CPEB2: variants seen among roughly 807,000 people sequenced by gnomAD.
The protein encoded by CPEB2 is cytoplasmic polyadenylation element binding protein 2.
Under a neutral mutation model 93.6 loss-of-function variants are expected in CPEB2, and 56 were observed. The observed-to-expected ratio is 0.60, with a 90% confidence interval of 0.48 to 0.75. The LOEUF (loss-of-function observed/expected upper bound fraction) is 0.75, where lower values mean the gene tolerates loss of function less well. Ranked by LOEUF, CPEB2 falls within the 30% of genes least tolerant of loss-of-function variation. CPEB2 has a pLI of 0.00. For missense variants in CPEB2, 1,579 were observed against 1,395.1 expected (o/e 1.13, Z -2.10); for synonymous variants, 764 against 586.3 (o/e 1.30, Z -4.38).
chr4:15,031,555 A>G (rs1376311938), intron 4 of CPEB2, among the ~76,000 whole-genome samples: 3 of 152,178 alleles, frequency 2.0e-5, no homozygotes, highest in African/African-American at 7.2e-5. Flanking sequence ...GAGTATGACA[A>G]CTTTATTTAA....
chr4:15,039,473 T>TA (rs1481988278), intron 5 of CPEB2, among the ~76,000 whole-genome samples: 4 of 152,086 alleles, frequency 2.6e-5, no homozygotes, highest in African/African-American at 9.7e-5. Flanking sequence ...TTTCCAGGCC[T>TA]AAAAAAATCT....
At chr4:15,009,017 A>C (rs946849734) in intron 3 of CPEB2, among the ~76,000 whole-genome samples, 1 of 152,208 alleles carries the variant, frequency 6.6e-6, no homozygotes, top group African/African-American at 2.4e-5. Context: ...GTTAGCCTTA[A>C]TCAAATTACA....
chr4:15,052,416 C>A lies in CPEB2; in HGVS notation c.2203C>A (p.Arg735Ser). ...NARSYGRRRG[R>S]SSLFPIDDGL... ...GTTGTATTTGTTCTTTATTCTAGGT[C>A]GTTCTTCCCTCTTTCCAATAGATGA... The change falls in exon 7 of 12, where the codon CGT becomes AGT. Residue 735 changes from arginine (R) to serine (S), a missense_variant and splice_region_variant. Transcript: ENST00000538197. 6.8e-7 allele frequency: 1 copy of A among 1,473,758 alleles called. No homozygotes were observed. The highest frequency in any genetic ancestry group is 1.4e-5 in the South Asian group (1 of 68,978). The allele number at this position is 1,473,758 out of a possible 1,614,324, so 91.3% of individuals were successfully genotyped here.
Position 15,062,202 on chromosome 4 carries a change from A to G in CPEB2, c.2819A>G (p.Tyr940Cys), listed in dbSNP as rs1729253187. The change falls in exon 11 of 12, where the codon TAT (tyrosine) becomes TGT (cysteine). Residue 940 changes from tyrosine (Y) to cysteine (C), a missense_variant. Physicochemically the swap from Tyr to Cys is radical, Grantham distance 194. Transcript: ENST00000538197. ...GTTGCTTTCTCCAATCAGCAGAGCTATATTGCTGCCATTAGTGCTCGGTTT... is the reference window on the plus strand; with the variant it reads ...GTTGCTTTCTCCAATCAGCAGAGCTGTATTGCTGCCATTAGTGCTCGGTTT... The part of the protein sequence containing the change: ...GRVAFSNQQS[Y>C]IAAISARFVQ... 6.2e-7 allele frequency: 1 copy of G among 1,612,972 alleles called. No individual in the cohort carries two copies. Among genetic ancestry groups the G allele is most frequent in the Non-Finnish European group, 8.5e-7 (1 of 1,179,252 alleles).
At position 15,003,967 on chromosome 4, in the gene CPEB2, G is replaced by A. The variant is rs747245126; in HGVS notation, c.1294G>A (p.Gly432Ser). 5.1e-6 allele frequency: 7 copies of A among 1,370,366 alleles called. No individual in the cohort carries two copies. Among genetic ancestry groups the A allele is most frequent in the East Asian group, 3.1e-5 (1 of 32,598 alleles). The allele number at this position is 1,370,366 out of a possible 1,614,324, so 84.9% of individuals were successfully genotyped here. Residue 432 changes from glycine to serine, a missense_variant, in exon 1 of 12, where the codon GGC (glycine) becomes AGC (serine). By Grantham distance (56) the Gly-to-Ser change is moderately conservative (BLOSUM62 0). Around this residue, in one of 2 missense-constraint regions of CPEB2, gnomAD observed 1,411 missense variants for 1,056.0 expected, o/e 1.34. Coordinates refer to ENST00000538197, the MANE Select transcript of CPEB2 (RefSeq NM_001177382.2). ...SSATTPGGGS[G>S]GSLSAMPPPS... ...TGCCACCACCCCGGGCGGCGGCAGC[G>A]GCGGCTCGCTCAGCGCCATGCCGCC...
chr4:15,002,708 C>T lies in CPEB2; in HGVS notation c.35C>T (p.Ala12Val), dbSNP rs746158029. The change falls in exon 1 of 12, where the codon GCC (alanine) becomes GTC (valine). Residue 12 changes from alanine (A) to valine (V), a missense_variant. Ala to Val is a moderately conservative substitution (Grantham distance 64, BLOSUM62 0). This residue lies in a region of CPEB2 where 1,411 missense variants were observed against 1,056.0 expected (regional missense o/e 1.34). Transcript: ENST00000538197. ...RDFGFGVLQT[A>V]PLRSSSPGPL... Reference sequence around the variant, plus strand: ...TTCGGGTTTGGGGTGCTGCAGACCGCCCCGCTCCGAAGTAGCAGTCCTGGG... The same window carrying T: ...TTCGGGTTTGGGGTGCTGCAGACCGTCCCGCTCCGAAGTAGCAGTCCTGGG... The T allele has an allele frequency of 3.9e-5, 59 of 1,525,228 alleles. No homozygotes were observed. The highest frequency in any genetic ancestry group is 4.8e-5 in the Non-Finnish European group (55 of 1,141,532). The allele number at this position is 1,525,228 out of a possible 1,614,324, so 94.5% of individuals were successfully genotyped here. A position where few individuals can be genotyped will look rare whatever the true frequency, so the allele number is the denominator to read the frequency against.
chr4:15,014,006 G>A (rs554672522), intron 3 of CPEB2, among the ~76,000 whole-genome samples: 100 of 151,964 alleles, frequency 6.6e-4, no homozygotes, highest in South Asian at 1.0e-3. Flanking sequence ...ATTATATAGT[G>A]GTCACTGATA....
At chr4:15,018,936 TTATATA>T (rs56945294) in intron 4 of CPEB2, among the ~76,000 whole-genome samples, 11,800 of 133,028 alleles carry the variant, frequency 0.089, 1,207 homozygotes, top group African/African-American at 0.24. Flanking sequence ...AAGGGGAATT[TTATATA>T]TATATATATA....
At chr4:15,005,849 C>T (rs931125866) in intron 1 of CPEB2, among the ~76,000 whole-genome samples, 7 of 152,146 alleles carry the variant, frequency 4.6e-5, no homozygotes, top group Admixed American at 4.6e-4. Flanking sequence ...ATTTTTATAA[C>T]CCTCAGCAAC....
Position 15,004,335 on chromosome 4 carries a change from G to T in CPEB2, c.1662G>T (p.Gln554His). 1 of 1,447,774 alleles carries T rather than the reference G, an allele frequency of 6.9e-7. No homozygotes were observed. Among genetic ancestry groups the T allele is most frequent in the Non-Finnish European group, 9.0e-7 (1 of 1,110,842 alleles). 89.7% of individuals were successfully genotyped at this position (1,447,774 alleles called of 1,614,324 possible). A position where few individuals can be genotyped will look rare whatever the true frequency, so the allele number is the denominator to read the frequency against. The change falls in exon 1 of 12, where the codon CAG (glutamine) becomes CAT (histidine). Residue 554 changes from glutamine (Q) to histidine (H), a missense_variant and splice_region_variant. Around this residue, in one of 2 missense-constraint regions of CPEB2, gnomAD observed 1,411 missense variants for 1,056.0 expected, o/e 1.34. Coordinates refer to ENST00000538197, the MANE Select transcript of CPEB2 (RefSeq NM_001177382.2). Reference protein sequence around the residue: ...LQQRNSYNHHQPLLKQSPWSN... With the variant: ...LQQRNSYNHHHPLLKQSPWSN... ...AGAGGAACTCCTATAACCACCACCA[G>T]GTACGGCGGGCGGCGGCCTGGCCGC...
Position 15,066,389 on chromosome 4 carries a change from A to G in CPEB2, c.*9A>G. 6.3e-7 allele frequency: 1 copy of G among 1,575,860 alleles called. No homozygotes were observed. The highest frequency in any genetic ancestry group is 8.6e-7 in the Non-Finnish European group (1 of 1,156,230). ...ACTTCCGCTGGAACTAAGAATAGCA[A>G]ACTGGCCTCTGTTTAACAAGGAAAG... On this transcript the variant is annotated 3_prime_UTR_variant, in exon 12 of 12. Transcript: ENST00000538197.
At chr4:15,052,226 C>T (rs1453238583) in intron 6 of CPEB2, among the ~76,000 whole-genome samples, 188 bp from the exon 7 acceptor site, 1 of 152,082 alleles carries the variant, frequency 6.6e-6, no homozygotes, top group South Asian at 2.1e-4. Flanking sequence ...TTCTAAGTCA[C>T]TCTTTAGATT....
chr4:15,056,618 T>TTTG (rs1728735861), intron 8 of CPEB2, among the ~76,000 whole-genome samples: 1 of 152,120 alleles, frequency 6.6e-6, no homozygotes, highest in Admixed American at 6.5e-5. Flanking sequence ...TTCAAGCAAT[T>TTTG]TTATTATTTC....
At chr4:15,036,715 G>T (rs113198896) in intron 5 of CPEB2, among the ~76,000 whole-genome samples, 1 of 152,162 alleles carries the variant, frequency 6.6e-6, no homozygotes, top group South Asian at 2.1e-4. Flanking sequence ...GTGGCCAGGA[G>T]GGGGAGTGGG....
intron 8 of CPEB2, among the ~76,000 whole-genome samples, chr4:15,057,121 T>C (rs1728784225): frequency 6.6e-6 from 1 of 152,142 alleles, no homozygotes; most frequent in African/African-American, 2.4e-5. Flanking sequence ...TCCCAGATTA[T>C]TATTTTGTAT....
Position 15,003,488 on chromosome 4 carries a change from C to A in CPEB2, c.815C>A (p.Pro272Gln). 5 of 1,400,480 alleles carry A rather than the reference C, an allele frequency of 3.6e-6. No homozygotes were observed. Among genetic ancestry groups the A allele is most frequent in the Non-Finnish European group, 4.6e-6 (5 of 1,082,034 alleles). 86.8% of individuals were successfully genotyped at this position (1,400,480 alleles called of 1,614,324 possible). Reference sequence around the variant, plus strand: ...CTCCCTCCCTCGCCGCCTGCAGCCCCGCGGCGCCGCCACGGAGGCGCGGGC... The same window carrying A: ...CTCCCTCCCTCGCCGCCTGCAGCCCAGCGGCGCCGCCACGGAGGCGCGGGC... ...PQLPPSPPAA[P>Q]RRRHGGAGSP... The change falls in exon 1 of 12, where the codon CCG becomes CAG. Residue 272 changes from proline to glutamine, a missense_variant. By Grantham distance (76) the Pro-to-Gln change is moderately conservative (BLOSUM62 -1). Transcript: ENST00000538197.
At chr4:15,049,754 C>T (rs965799650) in intron 6 of CPEB2, among the ~76,000 whole-genome samples, 2 of 152,150 alleles carry the variant, frequency 1.3e-5, no homozygotes, top group African/African-American at 2.4e-5. Context: ...TTTTTCAGAA[C>T]ATCATATTTA....
In CPEB2 at chr4:15,053,637, G is replaced by T. The variant is rs188193480; in HGVS notation, c.2372-491G>T. Among the ~76,000 whole-genome samples the T allele has an allele frequency of 1.2e-4, 19 of 152,184 alleles. 1 individual carries two copies. The highest frequency in any genetic ancestry group is 1.2e-3 in the Admixed American group (19 of 15,272). On this transcript the variant is annotated intron_variant, in intron 7 of 11. Transcript: ENST00000538197. ...GAAATAACGTAAGACATAGCAATTG[G>T]ATGTAACCTATGTGGATTTCAGTGA...
rs12643066 is a variant in CPEB2 at position 15,067,962 on chromosome 4, A to T, written c.*1582A>T. 10,141 of 152,370 alleles carry T rather than the reference A, an allele frequency of 0.067. 1,276 individuals carry two copies. Among genetic ancestry groups the T allele is most frequent in the East Asian group, 0.55 (2,840 of 5,120 alleles). The allele number at this position is 152,370 out of a possible 1,614,324, so 9.4% of individuals were successfully genotyped here. ...CAGTAGTTAATGAGTTTCTCTTGGT[A>T]CTGAACACTATTAGAATATCATTAG... On this transcript the variant is annotated 3_prime_UTR_variant, in exon 12 of 12. Coordinates refer to ENST00000538197, the MANE Select transcript of CPEB2 (RefSeq NM_001177382.2).
Sources: allele counts gnomAD v4.1 joint callset (sites outside exome capture counted in the v4.1 genomes callset), GRCh38; gene constraint gnomAD v4.1.1; regional missense constraint gnomAD v4.1.1; transcripts MANE v1.5; gene names NCBI Gene and HGNC (gene_info 2026-07-23, HGNC 2026-07-21).